PAFAH1B2: variants seen among roughly 807,000 people sequenced by gnomAD.
PAFAH1B2 encodes the protein platelet activating factor acetylhydrolase 1b catalytic subunit 2.
Under a neutral mutation model 28.0 loss-of-function variants are expected in PAFAH1B2, and 8 were observed. The ratio of observed to expected loss-of-function variants is 0.29; its 90% CI spans 0.17 to 0.52. The LOEUF (loss-of-function observed/expected upper bound fraction) is 0.52. Among genes scored for constraint, PAFAH1B2 ranks in the 20% least tolerant of loss-of-function variants. PAFAH1B2 has a pLI of 0.97. For synonymous variants in PAFAH1B2, 104 were observed against 103.2 expected (o/e 1.01, Z -0.05); for missense variants, 190 against 282.6 (o/e 0.67, Z 2.35).
At chr11:117,176,767 C>T (rs1186393931) in exon 6 of PAFAH1B2, 1 of 149,638 alleles carries the variant, frequency 6.7e-6, no homozygotes, top group African/African-American at 2.5e-5. Context: ...GTCCCAGCTA[C>T]TTGGGAGGCT....
In PAFAH1B2 at chr11:117,168,286, T is replaced by C; in HGVS notation, c.*587T>C. 1.9e-6 allele frequency: 2 copies of C among 1,063,572 alleles called. No homozygotes were observed. The highest frequency in any genetic ancestry group is 1.6e-5 in the African/African-American group (1 of 61,054). 65.9% of individuals were successfully genotyped at this position (1,063,572 alleles called of 1,614,324 possible). On this transcript the variant is annotated 3_prime_UTR_variant, in exon 6 of 6. Transcript: ENST00000527958. The stretch of plus-strand genomic sequence containing the variant: ...TCTGCTTTCTTAATCTTTTCCATGC[T>C]TAGCAGTGAAAAACAGGTTTTGCCC...
chr11:117,155,570 A>C (rs1367473588), intron 2 of PAFAH1B2, among the ~76,000 whole-genome samples: 2 of 152,184 alleles, frequency 1.3e-5, no homozygotes, highest in African/African-American at 4.8e-5. Flanking sequence ...ACCAGTTCTA[A>C]TATATTGCTG....
rs1039458568 is a variant in PAFAH1B2 at position 117,152,434 on chromosome 11, T to G, written c.-7-7T>G. 7.5e-6 allele frequency: 12 copies of G among 1,594,256 alleles called. No homozygotes were observed. The highest frequency in any genetic ancestry group is 1.0e-5 in the Non-Finnish European group (12 of 1,161,998). The stretch of plus-strand genomic sequence containing the variant: ...AAATGAAACATGACATAGACGTTTT[T>G]TCTCAGGTGTAGAATGAGCCAAGGA... On this transcript the variant is annotated splice_region_variant and splice_polypyrimidine_tract_variant and intron_variant, in intron 1 of 5. Transcript: ENST00000527958.
downstream of PAFAH1B2, among the ~76,000 whole-genome samples, chr11:117,172,386 A>T (rs1956683727): frequency 7.6e-3 from 14 of 1,834 alleles, no homozygotes; most frequent in East Asian, 0.023. Context: ...ATATATATAT[A>T]TATATATATA....
At chr11:117,171,697 G>C, downstream of PAFAH1B2, 1 of 1,535,554 alleles carries the variant, frequency 6.5e-7, no homozygotes. Flanking sequence ...CTGGTCGATC[G>C]GGACCTATCC....
Position 117,168,220 on chromosome 11 carries a change from C to T in PAFAH1B2, c.*521C>T. The T allele has an allele frequency of 3.8e-6, 4 of 1,056,936 alleles. No homozygotes were observed. Among genetic ancestry groups the T allele is most frequent in the East Asian group, 1.0e-4 (2 of 19,500 alleles). 65.5% of individuals were successfully genotyped at this position (1,056,936 alleles called of 1,614,324 possible). A position where few individuals can be genotyped will look rare whatever the true frequency, so the allele number is the denominator to read the frequency against. On this transcript the variant is annotated 3_prime_UTR_variant, in exon 6 of 6. Coordinates refer to ENST00000527958, the MANE Select transcript of PAFAH1B2 (RefSeq NM_002572.4). ...GTAGCATCAGGTTGAACATGCTTGT[C>T]ATTGATATATGGAAGATGCTATAGT...
At chr11:117,146,803 T>A (rs1350934224) in intron 1 of PAFAH1B2, among the ~76,000 whole-genome samples, 1 of 143,958 alleles carries the variant, frequency 6.9e-6, no homozygotes, top group Non-Finnish European at 1.5e-5. Context: ...GAGTTCAAGA[T>A]CAGCCTGAAC....
At position 117,169,794 on chromosome 11, in the gene PAFAH1B2, T is replaced by C; in HGVS notation, c.*2095T>C. The C allele has an allele frequency of 9.5e-7, 1 of 1,055,742 alleles. No homozygotes were observed. The highest frequency in any genetic ancestry group is 1.1e-6 in the Non-Finnish European group (1 of 873,338). 65.4% of individuals were successfully genotyped at this position (1,055,742 alleles called of 1,614,324 possible). A position where few individuals can be genotyped will look rare whatever the true frequency, so the allele number is the denominator to read the frequency against. On this transcript the variant is annotated 3_prime_UTR_variant, in exon 6 of 6. Coordinates refer to ENST00000527958, the MANE Select transcript of PAFAH1B2 (RefSeq NM_002572.4). ...TAGCAAGAAGAATTAAGCCAGATTTTTGTGTGTGGAAAGACAGTTTTCTAT... is the reference window on the plus strand; with the variant it reads ...TAGCAAGAAGAATTAAGCCAGATTTCTGTGTGTGGAAAGACAGTTTTCTAT...
At chr11:117,161,291 TA>T (rs1224976970) in intron 4 of PAFAH1B2, 30 bp downstream of exon 4, 1 of 1,308,650 alleles carries the variant, frequency 7.6e-7, no homozygotes, top group Non-Finnish European at 1.1e-6. Context: ...TCAATGTCAT[TA>T]ATCTTAAGTC....
chr11:117,159,798 C>A, intron 2 of PAFAH1B2, 136 bp from the exon 3 acceptor site: 1 of 626,850 alleles, frequency 1.6e-6, no homozygotes. Context: ...GATATATTAC[C>A]CAGGCTGATC....
At chr11:117,167,100 T>A (rs1253451533) in intron 5 of PAFAH1B2, among the ~76,000 whole-genome samples, 2 of 152,096 alleles carry the variant, frequency 1.3e-5, no homozygotes, top group African/African-American at 4.8e-5. Flanking sequence ...TTGGGAACAT[T>A]TAAATTTCTT....
chr11:117,148,830 A>T (rs1956075186), intron 1 of PAFAH1B2, among the ~76,000 whole-genome samples: 1 of 151,692 alleles, frequency 6.6e-6, no homozygotes, highest in African/African-American at 2.4e-5. Context: ...ACCTCTGGGG[A>T]TGCATAAGAT....
chr11:117,175,074 C>CACCGA, downstream of PAFAH1B2: 1 of 1,285,560 alleles, frequency 7.8e-7, no homozygotes, highest in Non-Finnish European at 9.9e-7. Flanking sequence ...TTCTTTGGTC[C>CACCGA]ATTCAACACT....
rs1555033287 is a variant in PAFAH1B2 at position 117,168,449 on chromosome 11, T to TGTTTTTTTTTTTTG, written c.*750_*751insGTTTTTTTTTTTTG. The TGTTTTTTTTTTTTG allele has an allele frequency of 3.5e-5, 21 of 599,282 alleles. 1 individual carries two copies. In the African/African-American group the frequency reaches 5.6e-4, roughly 16 times the overall value. 37.1% of individuals were successfully genotyped at this position (599,282 alleles called of 1,614,324 possible). ...CCTTCATTCCCCCCGCCACCCCGTT[T>TGTTTTTTTTTTTTG]TTTTTTTTTTTTTTTTTTTTTTGGT... On this transcript the variant is annotated 3_prime_UTR_variant, in exon 6 of 6. Transcript: ENST00000527958.
chr11:117,163,858 A>G lies in PAFAH1B2; in HGVS notation c.377A>G (p.Asn126Ser). 1.2e-6 allele frequency: 2 copies of G among 1,614,098 alleles called. No individual in the cohort carries two copies. The highest frequency in any genetic ancestry group is 1.7e-6 in the Non-Finnish European group (2 of 1,179,984). ...ATCGAGGCCATTGTACAACTTATCA[A>G]CACAAGGCAGCCACAGGCCAAAATC... The part of the protein sequence containing the change: ...GGIEAIVQLI[N>S]TRQPQAKIIV... The change falls in exon 5 of 6, where the codon AAC becomes AGC. Residue 126 changes from asparagine to serine, a missense_variant. Physicochemically the swap from Asn to Ser is conservative, Grantham distance 46. Coordinates refer to ENST00000527958, the MANE Select transcript of PAFAH1B2 (RefSeq NM_002572.4).
chr11:117,172,383 TATATATATATATA>T (rs1956682592), downstream of PAFAH1B2, among the ~76,000 whole-genome samples: 14 of 3,274 alleles, frequency 4.3e-3, 1 homozygote, highest in Admixed American at 7.8e-3. Context: ...TATATATATA[TATATATATATATA>T]TATATATATT....
At chr11:117,173,577 G>A (rs976797413), downstream of PAFAH1B2, among the ~76,000 whole-genome samples, 1 of 151,950 alleles carries the variant, frequency 6.6e-6, no homozygotes, top group Non-Finnish European at 1.5e-5. Flanking sequence ...ACGTAGCCTC[G>A]CCTCCTTATG....
chr11:117,157,852 A>C (rs1237950530), intron 2 of PAFAH1B2, among the ~76,000 whole-genome samples: 2 of 152,116 alleles, frequency 1.3e-5, no homozygotes, highest in Non-Finnish European at 2.9e-5. Context: ...TAAAAGTTTA[A>C]ACTGGTCTGG....
At chr11:117,171,823 G>GAGGTGAACAGTGA, downstream of PAFAH1B2, 1 of 1,132,178 alleles carries the variant, frequency 8.8e-7, no homozygotes, top group Non-Finnish European at 1.3e-6. Flanking sequence ...CTTTATCACT[G>GAGGTGAACAGTGA]TTCACCTCAG....
Sources: gnomAD v4.1 joint callset for allele counts (sites outside exome capture counted in the v4.1 genomes callset) on GRCh38, gnomAD v4.1.1 for gene constraint, MANE v1.5 for transcripts, NCBI Gene and HGNC (gene_info 2026-07-23, HGNC 2026-07-21) for gene names.